Variants in TIGD1 observed in about 807,000 individuals in gnomAD.
TIGD1 encodes tigger transposable element-derived protein 1.
A neutral mutation model predicts 21.3 loss-of-function variants in TIGD1; 20 were observed. The observed-to-expected ratio is 0.94, with a 90% CI of 0.66 to 1.36. The LOEUF (loss-of-function observed/expected upper bound fraction) is 1.36, where lower values mean the gene tolerates loss of function less well. TIGD1 is among the 40% of genes most tolerant of loss of function. The probability of loss-of-function intolerance (pLI) is 0.00; values close to 1 mark genes in which losing one functional copy is unlikely to be tolerated. For missense variants in TIGD1, 556 were observed against 350.5 expected (o/e 1.59, Z -4.68); for synonymous variants, 177 against 123.2 (o/e 1.44, Z -2.89).
chr2:232,548,249 G>C lies in TIGD1; in HGVS notation c.1634C>G (p.Ala545Gly). The change falls in exon 1 of 1, where the codon GCT becomes GGT. Residue 545 changes from alanine to glycine, a missense_variant. By Grantham distance (60) the Ala-to-Gly change is moderately conservative. Transcript: ENST00000408957. ...TTTCCTAAAATAAGACATCGGTGAA[G>C]CTTTTCGCATGAGTTGACTCTTCCT... is the stretch of plus-strand genomic sequence containing the variant. The part of the protein sequence containing the change: ...HERKSQLMRK[A>G]SPMSYFRKLP... 2 of 1,543,774 alleles carry C rather than the reference G, an allele frequency of 1.3e-6. No individual in the cohort carries two copies. The highest frequency in any genetic ancestry group is 1.7e-6 in the Non-Finnish European group (2 of 1,146,482).
rs755304722 is a variant in TIGD1 at position 232,544,758 on chromosome 2, T to C, written c.*3349A>G. The C allele has an allele frequency of 6.2e-7, 1 of 1,613,860 alleles. No homozygotes were observed. Among genetic ancestry groups the C allele is most frequent in the South Asian group, 1.1e-5 (1 of 91,072 alleles). ...TCCATTCTACTCCCAAACCTTACCCTTTCTCTTTATCAGAGAAAGGCCCGG... is the reference window on the plus strand; with the variant it reads ...TCCATTCTACTCCCAAACCTTACCCCTTCTCTTTATCAGAGAAAGGCCCGG... On this transcript the variant is annotated 3_prime_UTR_variant, in exon 1 of 1. Coordinates refer to ENST00000408957, the MANE Select transcript of TIGD1 (RefSeq NM_145702.4).
rs1314715996 is a variant in TIGD1, at chr2:232,549,870, A to AC, written c.12dup (p.Cys5ValfsTer4). 4 of 1,491,820 alleles carry AC rather than the reference A, an allele frequency of 2.7e-6. No homozygotes were observed. Among genetic ancestry groups the AC allele is most frequent in the South Asian group, 2.6e-5 (2 of 75,882 alleles). 92.4% of individuals were successfully genotyped at this position (1,491,820 alleles called of 1,614,324 possible). The stretch of plus-strand genomic sequence containing the variant: ...GTGCGACTCTTCCTTTCACTTGAGC[A>AC]CTTAGAGGCCATTGCAGAGTCATTA... On this transcript the variant is annotated frameshift_variant, in exon 1 of 1. Coordinates refer to ENST00000408957, the MANE Select transcript of TIGD1 (RefSeq NM_145702.4). LOFTEE classifies it high-confidence loss of function.
Position 232,549,986 on chromosome 2 carries a change from T to C in TIGD1, c.-104A>G, listed in dbSNP as rs149928176. ...GGGGAACGGTCTGTGGGTGGAGCGG[T>C]CAGAACACACACAACATTAAGTTCC... On this transcript the variant is annotated 5_prime_UTR_variant, in exon 1 of 1. The change abolishes the stop of an existing upstream ORF in the 5' untranslated region. Coordinates refer to ENST00000408957, the MANE Select transcript of TIGD1 (RefSeq NM_145702.4). The C allele has an allele frequency of 1.7e-3, 1,076 of 640,042 alleles. 3 individuals carry two copies. Among genetic ancestry groups the C allele is most frequent in the Middle Eastern group, 5.1e-3 (12 of 2,332 alleles). 39.6% of individuals were successfully genotyped at this position (640,042 alleles called of 1,614,324 possible).
Position 232,546,041 on chromosome 2 carries a change from G to A in TIGD1, c.*2066C>T, listed in dbSNP as rs951331657. 17 of 447,340 alleles carry A rather than the reference G, an allele frequency of 3.8e-5. No individual in the cohort carries two copies. Among genetic ancestry groups the A allele is most frequent in the East Asian group, 3.3e-4 (7 of 21,026 alleles). 27.7% of individuals were successfully genotyped at this position (447,340 alleles called of 1,614,324 possible). On this transcript the variant is annotated 3_prime_UTR_variant, in exon 1 of 1. Transcript: ENST00000408957. The stretch of plus-strand genomic sequence containing the variant: ...ATTCATTCCCATCAGTCTGAAGCCC[G>A]AAGGACTGTTTTGTATAATACCTTC...
chr2:232,550,105 A>T lies in TIGD1; in HGVS notation c.-223T>A. 2.4e-6 allele frequency: 1 copy of T among 421,070 alleles called. No individual in the cohort carries two copies. The highest frequency in any genetic ancestry group is 4.3e-6 in the Non-Finnish European group (1 of 230,976). 26.1% of individuals were successfully genotyped at this position (421,070 alleles called of 1,614,324 possible). On this transcript the variant is annotated 5_prime_UTR_variant, in exon 1 of 1. Transcript: ENST00000408957. ...TCATAGATCACCATAACAGACACAG[A>T]AATCATGAAAAAGTTTTAAATATTT...
Position 232,544,871 on chromosome 2 carries a change from G to A in TIGD1, c.*3236C>T, listed in dbSNP as rs1414914285. 6.2e-7 allele frequency: 1 copy of A among 1,613,976 alleles called. No individual in the cohort carries two copies. The highest frequency in any genetic ancestry group is 2.2e-5 in the East Asian group (1 of 44,856). On this transcript the variant is annotated 3_prime_UTR_variant, in exon 1 of 1. Coordinates refer to ENST00000408957, the MANE Select transcript of TIGD1 (RefSeq NM_145702.4). ...GTGGAAGCCTGCAACCTCATTGCCTGTGCCCGGCACCAGCAGAGTCACTTT... is the reference window on the plus strand; with the variant it reads ...GTGGAAGCCTGCAACCTCATTGCCTATGCCCGGCACCAGCAGAGTCACTTT...
Position 232,545,735 on chromosome 2 carries a change from G to GGCATGTGGGAGTCAC in TIGD1, c.*2357_*2371dup. 1 of 1,613,806 alleles carries GGCATGTGGGAGTCAC rather than the reference G, an allele frequency of 6.2e-7. No individual in the cohort carries two copies. Among genetic ancestry groups the GGCATGTGGGAGTCAC allele is most frequent in the Middle Eastern group, 1.6e-4 (1 of 6,062 alleles). ...AGACTGAGCCAACCAACCACTGTGGGGCATGTGGGAGTCACACACGTGGGT... is the reference window on the plus strand; with the variant it reads ...AGACTGAGCCAACCAACCACTGTGGGGCATGTGGGAGTCACGCATGTGGGAGTCACACACGTGGGT... On this transcript the variant is annotated 3_prime_UTR_variant, in exon 1 of 1. Transcript: ENST00000408957.
chr2:232,545,883 G>C lies in TIGD1; in HGVS notation c.*2224C>G. On this transcript the variant is annotated 3_prime_UTR_variant, in exon 1 of 1. Transcript: ENST00000408957. ...AAAGCTGGGGAAACAGTCTGAGCTG[G>C]AGTCCGAGAGTGGTTGGGGGTGGGC... 1 of 799,508 alleles carries C rather than the reference G, an allele frequency of 1.3e-6. No homozygotes were observed. The highest frequency in any genetic ancestry group is 2.1e-6 in the Non-Finnish European group (1 of 480,300). 49.5% of individuals were successfully genotyped at this position (799,508 alleles called of 1,614,324 possible). A position where few individuals can be genotyped will look rare whatever the true frequency, so the allele number is the denominator to read the frequency against.
chr2:232,546,308 CTT>C lies in TIGD1; in HGVS notation c.*1797_*1798del, dbSNP rs57021172. ...ACGATTTCCTGAGTTTTGTAATCCTCTTTTTTTTTTTTTTTTTTTTAGTTTTT... is the reference window on the plus strand; with the variant it reads ...ACGATTTCCTGAGTTTTGTAATCCTCTTTTTTTTTTTTTTTTTTAGTTTTT... On this transcript the variant is annotated 3_prime_UTR_variant, in exon 1 of 1. Coordinates refer to ENST00000408957, the MANE Select transcript of TIGD1 (RefSeq NM_145702.4). 46 of 94,802 alleles carry C rather than the reference CTT, an allele frequency of 4.9e-4. No homozygotes were observed. The highest frequency in any genetic ancestry group is 1.1e-3 in the East Asian group (4 of 3,630). The allele number at this position is 94,802 out of a possible 1,614,324, so 5.9% of individuals were successfully genotyped here.
chr2:232,549,584 A>G lies in TIGD1; in HGVS notation c.299T>C (p.Leu100Ser), dbSNP rs550908308. 6.7e-5 allele frequency: 46 copies of G among 682,160 alleles called. No individual in the cohort carries two copies. In the East Asian group the frequency reaches 1.2e-3, roughly 18 times the overall value. 42.3% of individuals were successfully genotyped at this position (682,160 alleles called of 1,614,324 possible). A position where few individuals can be genotyped will look rare whatever the true frequency, so the allele number is the denominator to read the frequency against. The change falls in exon 1 of 1, where the codon TTA becomes TCA. Residue 100 changes from leucine (L) to serine (S), a missense_variant. Leu to Ser is a moderately radical substitution (Grantham distance 145). Transcript: ENST00000408957. ...IEDQTSRNIP[L>S]SQSLIQNKAL... ...TTTGTTCTGGATTAGGCTTTGGCTT[A>G]AGGGAATGTTGCGGCTGGTCTGATC...
Position 232,544,635 on chromosome 2 carries a change from G to A in TIGD1, c.*3472C>T. On this transcript the variant is annotated 3_prime_UTR_variant, in exon 1 of 1. Transcript: ENST00000408957. ...GTCCTCCCCTGGGACCCCAGCTGGG[G>A]AGCCAGGCACAGCAGATGAGTGCTG... 6.3e-7 allele frequency: 1 copy of A among 1,578,908 alleles called. No homozygotes were observed. The highest frequency in any genetic ancestry group is 2.2e-5 in the East Asian group (1 of 44,710).
Position 232,545,630 on chromosome 2 carries a change from G to A in TIGD1, c.*2477C>T. The A allele has an allele frequency of 6.2e-7, 1 of 1,614,132 alleles. No individual in the cohort carries two copies. The highest frequency in any genetic ancestry group is 1.1e-5 in the South Asian group (1 of 91,086). ...CTCGCTCTTCATCTGTGGCACAGCT[G>A]GCATCTTCCTCATGGCCCACTACAA... On this transcript the variant is annotated 3_prime_UTR_variant, in exon 1 of 1. Coordinates refer to ENST00000408957, the MANE Select transcript of TIGD1 (RefSeq NM_145702.4).
In TIGD1 at chr2:232,543,921, A is replaced by G. The variant is rs763276643; in HGVS notation, c.*4186T>C. 5.3e-5 allele frequency among the ~76,000 whole-genome samples: 8 copies of G among 152,354 alleles called. No individual in the cohort carries two copies. Among genetic ancestry groups the G allele is most frequent in the Middle Eastern group, 3.4e-3 (1 of 294 alleles). On this transcript the variant is annotated 3_prime_UTR_variant, in exon 1 of 1. Coordinates refer to ENST00000408957, the MANE Select transcript of TIGD1 (RefSeq NM_145702.4). ...AATGTATTTCATCTTCATAAAACCC[A>G]TATCACCTCCAATTACAGATGAGGA...
chr2:232,549,634 C>A lies in TIGD1; in HGVS notation c.249G>T (p.Glu83Asp), dbSNP rs998626636. ...CTTCTATCCAGACCACTAAAACCTT[C>A]TCCATATCAGCAATAAGGCTGTTTC... ...RKRNSLIADM[E>D]KVLVVWIEDQ... Residue 83 changes from glutamate to aspartate, a missense_variant, in exon 1 of 1, where the codon GAG becomes GAT. Glu to Asp is a conservative substitution (Grantham distance 45). Coordinates refer to ENST00000408957, the MANE Select transcript of TIGD1 (RefSeq NM_145702.4). 1 of 708,740 alleles carries A rather than the reference C, an allele frequency of 1.4e-6. No individual in the cohort carries two copies. The highest frequency in any genetic ancestry group is 1.5e-5 in the South Asian group (1 of 66,742). The allele number at this position is 708,740 out of a possible 1,614,324, so 43.9% of individuals were successfully genotyped here.
rs1692078009 is a variant in TIGD1 at position 232,544,257 on chromosome 2, C to T, written c.*3850G>A. On this transcript the variant is annotated 3_prime_UTR_variant, in exon 1 of 1. Coordinates refer to ENST00000408957, the MANE Select transcript of TIGD1 (RefSeq NM_145702.4). ...AAGCTTTACCAAGGCCACGTCACTG[C>T]CCCGGTATGCTGCCTCCATGGTCCC... is the stretch of plus-strand genomic sequence containing the variant. The T allele has an allele frequency of 1.9e-5, 16 of 861,580 alleles. No individual in the cohort carries two copies. The highest frequency in any genetic ancestry group is 2.6e-5 in the Non-Finnish European group (13 of 507,418). The allele number at this position is 861,580 out of a possible 1,614,324, so 53.4% of individuals were successfully genotyped here.
rs1446413067 is a variant in TIGD1, at chr2:232,543,941, T to C, written c.*4166A>G. Among the ~76,000 whole-genome samples, 1 of 152,216 alleles carries C rather than the reference T, an allele frequency of 6.6e-6. No homozygotes were observed. The highest frequency in any genetic ancestry group is 2.4e-5 in the African/African-American group (1 of 41,450). On this transcript the variant is annotated 3_prime_UTR_variant, in exon 1 of 1. Coordinates refer to ENST00000408957, the MANE Select transcript of TIGD1 (RefSeq NM_145702.4). Reference sequence around the variant, plus strand: ...AACCCATATCACCTCCAATTACAGATGAGGACGTTGAGGCGCAGAGAGGTT... The same window carrying C: ...AACCCATATCACCTCCAATTACAGACGAGGACGTTGAGGCGCAGAGAGGTT...
Position 232,550,377 on chromosome 2 carries a change from T to A in TIGD1, c.-495A>T. On this transcript the variant is annotated 5_prime_UTR_variant, in exon 1 of 1. Coordinates refer to ENST00000408957, the MANE Select transcript of TIGD1 (RefSeq NM_145702.4). ...GTCCCGCACTGGAGGAAGAGGAAGG[T>A]TTTTACCAAGCAGCGAGTCCAGAGC... 2.3e-6 allele frequency: 1 copy of A among 442,708 alleles called. No homozygotes were observed. The highest frequency in any genetic ancestry group is 3.9e-5 in the South Asian group (1 of 25,522). 27.4% of individuals were successfully genotyped at this position (442,708 alleles called of 1,614,324 possible). A position where few individuals can be genotyped will look rare whatever the true frequency, so the allele number is the denominator to read the frequency against.
rs755190809 is a variant in TIGD1 at position 232,550,519 on chromosome 2, G to C, written c.-637C>G. On this transcript the variant is annotated 5_prime_UTR_variant, in exon 1 of 1. Transcript: ENST00000408957. ...AGGACCTGGACAGAGGCAGAACTGA[G>C]GCCAGCAGCCAGCTCCGCCGCTGAG... is the stretch of plus-strand genomic sequence containing the variant. The C allele has an allele frequency of 5.8e-5, 37 of 635,522 alleles. No individual in the cohort carries two copies. The highest frequency in any genetic ancestry group is 3.9e-5 in the South Asian group (2 of 51,428). The allele number at this position is 635,522 out of a possible 1,614,324, so 39.4% of individuals were successfully genotyped here. A position where few individuals can be genotyped will look rare whatever the true frequency, so the allele number is the denominator to read the frequency against.
chr2:232,544,305 C>T lies in TIGD1; in HGVS notation c.*3802G>A. 7.6e-7 allele frequency: 1 copy of T among 1,314,470 alleles called. No homozygotes were observed. Among genetic ancestry groups the T allele is most frequent in the South Asian group, 1.2e-5 (1 of 84,934 alleles). The allele number at this position is 1,314,470 out of a possible 1,614,324, so 81.4% of individuals were successfully genotyped here. Reference sequence around the variant, plus strand: ...CCCTAGCAGCACAAGCCCTTCACGCCAACCTCTGGCTTCTGCTCTGAAGCT... The same window carrying T: ...CCCTAGCAGCACAAGCCCTTCACGCTAACCTCTGGCTTCTGCTCTGAAGCT... On this transcript the variant is annotated 3_prime_UTR_variant, in exon 1 of 1. Coordinates refer to ENST00000408957, the MANE Select transcript of TIGD1 (RefSeq NM_145702.4).
Sources: allele counts gnomAD v4.1 joint callset (sites outside exome capture counted in the v4.1 genomes callset), GRCh38; gene constraint gnomAD v4.1.1; transcripts MANE v1.5; gene names NCBI Gene and HGNC (gene_info 2026-07-23, HGNC 2026-07-21).